Variants in ASIC2 observed in about 807,000 individuals in gnomAD.
The protein encoded by ASIC2 is acid sensing ion channel subunit 2, also known as acid-sensing ion channel 2.
Under a neutral mutation model 57.3 loss-of-function variants are expected in ASIC2, and 25 were observed. That is an observed-to-expected ratio of 0.44 (90% CI 0.32 to 0.61). The LOEUF (loss-of-function observed/expected upper bound fraction) is 0.61, where lower values mean the gene tolerates loss of function less well. Ranked by LOEUF, ASIC2 falls within the 20% of genes least tolerant of loss-of-function variation. The pLI, the probability that ASIC2 is intolerant of heterozygous loss-of-function variation, is 0.06. For missense variants in ASIC2, 641 were observed against 738.1 expected (o/e 0.87, Z 1.52); for synonymous variants, 319 against 307.5 (o/e 1.04, Z -0.39).
At chr17:33,706,516 G>A (rs1402404879) in intron 1 of ASIC2, among the ~76,000 whole-genome samples, 8 of 151,996 alleles carry the variant, frequency 5.3e-5, no homozygotes, top group Admixed American at 2.6e-4. Flanking sequence ...CAGCCACCGT[G>A]CCCAGCCTGT....
chr17:33,972,027 C>A (rs972599602), intron 1 of ASIC2, among the ~76,000 whole-genome samples: 1 of 152,086 alleles, frequency 6.6e-6, no homozygotes, highest in Non-Finnish European at 1.5e-5. Context: ...CCCAACAATG[C>A]GGGATGGGGG....
intron 1 of ASIC2, among the ~76,000 whole-genome samples, chr17:33,135,632 G>A (rs568887960): frequency 6.6e-6 from 1 of 152,174 alleles, no homozygotes; most frequent in African/African-American, 2.4e-5. Context: ...GAGGAGACAG[G>A]CTCCGACACT....
intron 1 of ASIC2, among the ~76,000 whole-genome samples, chr17:33,854,909 ACT>A (rs1295081350): frequency 6.6e-6 from 1 of 151,730 alleles, no homozygotes; most frequent in Non-Finnish European, 1.5e-5. Flanking sequence ...GCTCAGGGGG[ACT>A]CTCTCTCCAG....
intron 1 of ASIC2, among the ~76,000 whole-genome samples, chr17:33,208,388 C>T (rs1195772611): frequency 6.6e-6 from 1 of 152,142 alleles, no homozygotes; most frequent in East Asian, 1.9e-4. Flanking sequence ...CCACCCTCCC[C>T]AACCCATCCC....
At chr17:33,205,774 T>G (rs116236179) in intron 1 of ASIC2, among the ~76,000 whole-genome samples, 172 of 152,308 alleles carry the variant, frequency 1.1e-3, no homozygotes, top group African/African-American at 3.9e-3. Context: ...GCTCCCGGCA[T>G]GCCGCAGGGC....
intron 1 of ASIC2, among the ~76,000 whole-genome samples, chr17:34,099,460 AAGAAAG>A (rs1340082408): frequency 2.5e-4 from 36 of 146,222 alleles, no homozygotes; most frequent in African/African-American, 3.6e-4. Flanking sequence ...AAAGAAAAGA[AAGAAAG>A]AGAGAGAAAG....
intron 1 of ASIC2, among the ~76,000 whole-genome samples, chr17:33,419,489 T>A (rs1597722087): frequency 6.6e-6 from 1 of 152,186 alleles, no homozygotes; most frequent in East Asian, 1.9e-4. Context: ...CCAGAAAGGG[T>A]GAAAGTGAGC....
At chr17:33,365,432 G>T in intron 1 of ASIC2, among the ~76,000 whole-genome samples, 1 of 152,018 alleles carries the variant, frequency 6.6e-6, no homozygotes, top group African/African-American at 2.4e-5. Flanking sequence ...ACATGTAGGA[G>T]GTACTTAGGT....
chr17:34,096,055 T>C (rs949717142), intron 1 of ASIC2, among the ~76,000 whole-genome samples: 13 of 152,216 alleles, frequency 8.5e-5, no homozygotes, highest in Non-Finnish European at 1.2e-4. Context: ...TCTGACTTCA[T>C]GTCTCAACCT....
At chr17:33,465,940 A>C (rs1912850176) in intron 1 of ASIC2, among the ~76,000 whole-genome samples, 1 of 152,196 alleles carries the variant, frequency 6.6e-6, no homozygotes, top group Non-Finnish European at 1.5e-5. Flanking sequence ...AGCTTGAGAA[A>C]GTTTCCTCAG....
chr17:33,869,565 AGAAT>A (rs1914334969), intron 1 of ASIC2, among the ~76,000 whole-genome samples: 1 of 152,242 alleles, frequency 6.6e-6, no homozygotes, highest in Admixed American at 6.5e-5. Context: ...TTCATAAAAA[AGAAT>A]GAAGTATAGA....
chr17:33,835,332 C>T (rs1913242551), intron 1 of ASIC2, among the ~76,000 whole-genome samples: 1 of 152,216 alleles, frequency 6.6e-6, no homozygotes, highest in African/African-American at 2.4e-5. Context: ...ACATGAATTG[C>T]TCATTCCAGC....
At chr17:33,266,838 G>C (rs549587835) in intron 1 of ASIC2, among the ~76,000 whole-genome samples, 2 of 152,306 alleles carry the variant, frequency 1.3e-5, no homozygotes, top group East Asian at 3.9e-4. Flanking sequence ...TTGGCTCCCT[G>C]TGACTTTATT....
intron 1 of ASIC2, among the ~76,000 whole-genome samples, chr17:33,577,647 A>C (rs1182777894): frequency 6.6e-6 from 1 of 152,172 alleles, no homozygotes; most frequent in Non-Finnish European, 1.5e-5. Context: ...AATGAACAAC[A>C]GTGGAAAAGC....
intron 1 of ASIC2, chr17:33,634,901 GGAGA>G (rs1906306544): frequency 6.6e-6 from 1 of 151,990 alleles, no homozygotes; most frequent in Non-Finnish European, 1.5e-5. Flanking sequence ...GTTTCGTGGA[GGAGA>G]GAGACAGTCA....
intron 1 of ASIC2, among the ~76,000 whole-genome samples, chr17:33,681,887 C>T (rs1002746659): frequency 1.3e-5 from 2 of 152,124 alleles, no homozygotes; most frequent in Admixed American, 6.6e-5. Context: ...TCTCTAGTGT[C>T]GTCTAGTGGC....
At chr17:33,869,408 A>C (rs552860201) in intron 1 of ASIC2, among the ~76,000 whole-genome samples, 9 of 152,236 alleles carry the variant, frequency 5.9e-5, no homozygotes, top group Admixed American at 2.0e-4. Context: ...CAAGAGAAAT[A>C]AAAACACATG....
intron 1 of ASIC2, among the ~76,000 whole-genome samples, chr17:33,747,265 C>A: frequency 7.4e-6 from 1 of 135,502 alleles, no homozygotes; most frequent in Admixed American, 8.3e-5. Flanking sequence ...GCTCTGTGAT[C>A]CAGGCTGGAG....
intron 1 of ASIC2, among the ~76,000 whole-genome samples, chr17:33,451,210 C>G (rs887971887): frequency 1.3e-5 from 2 of 152,032 alleles, no homozygotes; most frequent in Non-Finnish European, 2.9e-5. Flanking sequence ...GCACCCACCA[C>G]TACACCTGGC....
Sources: allele counts gnomAD v4.1 joint callset (sites outside exome capture counted in the v4.1 genomes callset), GRCh38; gene constraint gnomAD v4.1.1; transcripts MANE v1.5; gene names NCBI Gene and HGNC (gene_info 2026-07-23, HGNC 2026-07-21).